LIPG: variants seen among roughly 807,000 people sequenced by gnomAD.
LIPG encodes endothelial lipase.
A neutral mutation model predicts 51.8 loss-of-function variants in LIPG; 34 were observed. That is an observed-to-expected ratio of 0.66 (90% confidence interval 0.50 to 0.87). LIPG has a LOEUF of 0.87. Ranked by LOEUF, LIPG falls within the 40% of genes least tolerant of loss-of-function variation. The pLI is 0.00. For missense variants in LIPG, 580 were observed against 652.7 expected (o/e 0.89, Z 1.21); for synonymous variants, 246 against 246.1 (o/e 1.00, Z 0.00).
intron 5 of LIPG, among the ~76,000 whole-genome samples, chr18:49,579,802 TCTTTTCTTTTCTTTTCTTTA>T (rs1312526312): frequency 1.9e-5 from 2 of 104,820 alleles, no homozygotes; most frequent in Non-Finnish European, 4.3e-5. Context: ...TCTTTTCTTT[TCTTTTCTTTTCTTTTCTTTA>T]CTTTACTTTT....
intron 4 of LIPG, among the ~76,000 whole-genome samples, chr18:49,570,040 CAG>C (rs1267225855): frequency 2.0e-5 from 3 of 152,232 alleles, no homozygotes; most frequent in African/African-American, 4.8e-5. Context: ...CCCAAGGACT[CAG>C]GGGAAAAGAA....
chr18:49,571,994 C>T (rs1414835962), intron 4 of LIPG, among the ~76,000 whole-genome samples: 2 of 152,290 alleles, frequency 1.3e-5, no homozygotes, highest in East Asian at 3.9e-4. Context: ...TATGTGCAGG[C>T]TAGATGCTAG....
At chr18:49,568,063 TTTG>T in intron 3 of LIPG, among the ~76,000 whole-genome samples, 1 of 152,168 alleles carries the variant, frequency 6.6e-6, no homozygotes, top group Non-Finnish European at 1.5e-5. Context: ...GGAGTCTTGT[TTTG>T]TTGCCCAGGC....
rs765907999 is a variant in LIPG at position 49,582,467 on chromosome 18, C to A, written c.1142C>A (p.Thr381Asn). ...TATGGCACTAATGCAGATTCCCAGA[C>A]TCTGCCACTGGAAATGTAAGTCATC... is the stretch of plus-strand genomic sequence containing the variant. The part of the protein sequence containing the change: ...TLYGTNADSQ[T>N]LPLEIVERIE... The change falls in exon 7 of 10, where the codon ACT becomes AAT. Residue 381 changes from threonine to asparagine, a missense_variant. Coordinates refer to ENST00000261292, the MANE Select transcript of LIPG (RefSeq NM_006033.4). 3 of 1,614,258 alleles carry A rather than the reference C, an allele frequency of 1.9e-6. No homozygotes were observed. In the South Asian group the frequency reaches 3.3e-5, roughly 18 times the overall value.
At chr18:49,571,213 G>A (rs2084659307) in intron 4 of LIPG, among the ~76,000 whole-genome samples, 2 of 152,186 alleles carry the variant, frequency 1.3e-5, no homozygotes, top group Admixed American at 6.5e-5. Context: ...CATTGTCTGA[G>A]CGCCTCTTCC....
intron 5 of LIPG, among the ~76,000 whole-genome samples, chr18:49,581,212 G>A (rs749755813): frequency 1.6e-4 from 24 of 152,098 alleles, no homozygotes; most frequent in Non-Finnish European, 2.6e-4. Context: ...GTGAGCGGGG[G>A]GTCGTGATTG....
At chr18:49,562,627 C>T (rs1253704542) in intron 1 of LIPG, among the ~76,000 whole-genome samples, 2 of 152,220 alleles carry the variant, frequency 1.3e-5, no homozygotes, top group Admixed American at 6.5e-5. Flanking sequence ...GCAGGGTGCG[C>T]TGGCTCTTGC....
intron 6 of LIPG, among the ~76,000 whole-genome samples, chr18:49,582,072 G>T (rs2143968023): frequency 6.6e-6 from 1 of 152,320 alleles, no homozygotes; most frequent in South Asian, 2.1e-4. Context: ...ATATGAGGAA[G>T]TTGAGGCTCA....
At chr18:49,562,037 T>C (rs746361857), upstream of LIPG, 5 of 1,431,232 alleles carry the variant, frequency 3.5e-6, no homozygotes, top group East Asian at 5.0e-5. Context: ...TTTTAAAAAC[T>C]ACCTCTATAG....
chr18:49,598,443 A>G lies in LIPG; in HGVS notation c.*7921A>G, dbSNP rs2084993408. 1 of 152,434 alleles carries G rather than the reference A, an allele frequency of 6.6e-6. No individual in the cohort carries two copies. The highest frequency in any genetic ancestry group is 2.4e-5 in the African/African-American group (1 of 41,432). The allele number at this position is 152,434 out of a possible 1,614,324, so 9.4% of individuals were successfully genotyped here. Reference sequence around the variant, plus strand: ...CTCCTGGGCTCAAGCAATCCACCCAACTTGGCCTCCCAAAGTGCTGGGATT... The same window carrying G: ...CTCCTGGGCTCAAGCAATCCACCCAGCTTGGCCTCCCAAAGTGCTGGGATT... On this transcript the variant is annotated 3_prime_UTR_variant, in exon 10 of 10. Transcript: ENST00000261292.
rs2084988144 is a variant in LIPG, at chr18:49,597,401, T to C, written c.*6879T>C. 1 of 152,210 alleles carries C rather than the reference T, an allele frequency of 6.6e-6. No homozygotes were observed. Among genetic ancestry groups the C allele is most frequent in the Admixed American group, 6.5e-5 (1 of 15,276 alleles). 9.4% of individuals were successfully genotyped at this position (152,210 alleles called of 1,614,324 possible). On this transcript the variant is annotated 3_prime_UTR_variant, in exon 10 of 10. Coordinates refer to ENST00000261292, the MANE Select transcript of LIPG (RefSeq NM_006033.4). ...GAGGTGAAGAGAGGTGTCGGTGCCC[T>C]CTTTTGTAACTGTGGGTTATCTATA...
chr18:49,575,437 G>T lies in LIPG; in HGVS notation c.640G>T (p.Asp214Tyr). The change falls in exon 5 of 10, where the codon GAT becomes TAT. Residue 214 changes from aspartate (D) to tyrosine (Y), a missense_variant. Coordinates refer to ENST00000261292, the MANE Select transcript of LIPG (RefSeq NM_006033.4). Reference protein sequence around the residue: ...IHKRLSPDDADFVDVLHTYTR... With the variant: ...IHKRLSPDDAYFVDVLHTYTR... ...CAAGAGGCTCTCTCCGGACGATGCA[G>T]ATTTTGTGGATGTCCTCCACACCTA... is the stretch of plus-strand genomic sequence containing the variant. 6.2e-7 allele frequency: 1 copy of T among 1,614,160 alleles called. No homozygotes were observed. The highest frequency in any genetic ancestry group is 8.5e-7 in the Non-Finnish European group (1 of 1,180,048).
chr18:49,585,450 A>G (rs1218662018), intron 8 of LIPG, among the ~76,000 whole-genome samples: 1 of 152,224 alleles, frequency 6.6e-6, no homozygotes, highest in Non-Finnish European at 1.5e-5. Flanking sequence ...ATATTTTACA[A>G]TTTGATTTTT....
intron 4 of LIPG, among the ~76,000 whole-genome samples, chr18:49,570,824 G>A (rs183172515): frequency 5.3e-5 from 8 of 152,262 alleles, no homozygotes; most frequent in African/African-American, 9.6e-5. Flanking sequence ...GCAAGACTCC[G>A]TCTCAAAAAA....
chr18:49,583,934 A>G (rs1017805073), intron 8 of LIPG, among the ~76,000 whole-genome samples, 160 bp downstream of exon 8: 4 of 152,182 alleles, frequency 2.6e-5, no homozygotes, highest in Non-Finnish European at 4.4e-5. Context: ...CTTCCAGATC[A>G]AGGCTTCTAT....
At chr18:49,589,318 C>T (rs1400662075) in intron 9 of LIPG, 4 of 152,146 alleles carry the variant, frequency 2.6e-5, no homozygotes, top group African/African-American at 7.2e-5. Context: ...AGCGTAGGCT[C>T]GTATGATTTT....
At chr18:49,578,294 T>G (rs2148852112) in intron 5 of LIPG, among the ~76,000 whole-genome samples, 1 of 140,690 alleles carries the variant, frequency 7.1e-6, no homozygotes, top group South Asian at 2.4e-4. Flanking sequence ...GAGGGTCTCC[T>G]CACTTCTCAG....
At chr18:49,580,157 T>G (rs1380754233) in intron 5 of LIPG, among the ~76,000 whole-genome samples, 3 of 152,168 alleles carry the variant, frequency 2.0e-5, no homozygotes, top group African/African-American at 7.2e-5. Flanking sequence ...GAGGCAGGGT[T>G]GGGGTTGGTT....
rs374152970 is a variant in LIPG at position 49,579,767 on chromosome 18, T to TCCTTTC, written c.794-1647_794-1646insCTTTCC. 1.6e-3 allele frequency among the ~76,000 whole-genome samples: 74 copies of TCCTTTC among 46,476 alleles called. 1 individual carries two copies. Among genetic ancestry groups the TCCTTTC allele is most frequent in the Non-Finnish European group, 2.5e-3 (53 of 20,858 alleles). The allele number at this position is 46,476 out of a possible 152,430, so 30.5% of individuals were successfully genotyped here. A position where few individuals can be genotyped will look rare whatever the true frequency, so the allele number is the denominator to read the frequency against. On this transcript the variant is annotated intron_variant, in intron 5 of 9. Transcript: ENST00000261292. ...TTCTTTCCTTTCCTTTCCTTTCCTT[T>TCCTTTC]CTTTTCTTTTCTTTTCTTTTCTTTT...
Sources: gnomAD v4.1 joint callset for allele counts (sites outside exome capture counted in the v4.1 genomes callset) on GRCh38, gnomAD v4.1.1 for gene constraint, MANE v1.5 for transcripts, NCBI Gene and HGNC (gene_info 2026-07-23, HGNC 2026-07-21) for gene names.